CUBN: variants seen among roughly 807,000 people sequenced by gnomAD.
CUBN encodes cubilin, also known as 460 kDa receptor.
CUBN carries 282 observed loss-of-function variants against 405.3 expected under a neutral mutation model. The observed-to-expected ratio is 0.70, with a 90% CI of 0.63 to 0.77. The LOEUF (loss-of-function observed/expected upper bound fraction) is 0.77. Ranked by LOEUF, CUBN falls within the 30% of genes least tolerant of loss-of-function variation. The pLI is 0.00. For synonymous variants in CUBN, 1,684 were observed against 1,617.0 expected (o/e 1.04, Z -0.99); for missense variants, 4,514 against 4,475.2 (o/e 1.01, Z -0.25).
intron 56 of CUBN, among the ~76,000 whole-genome samples, chr10:16,877,614 C>T: frequency 6.6e-6 from 1 of 152,164 alleles, no homozygotes; most frequent in East Asian, 1.9e-4. Flanking sequence ...AGATAAGGGA[C>T]TCCTATCATG....
At chr10:16,961,730 G>A (rs1447441936) in intron 31 of CUBN, among the ~76,000 whole-genome samples, 2 of 52,106 alleles carry the variant, frequency 3.8e-5, no homozygotes, top group African/African-American at 1.6e-4. Flanking sequence ...TTTTTTTTTT[G>A]AGACGGAGTC....
intron 27 of CUBN, among the ~76,000 whole-genome samples, chr10:17,026,179 G>A (rs1356727568): frequency 1.3e-5 from 2 of 152,168 alleles, no homozygotes; most frequent in African/African-American, 4.8e-5. Context: ...ACCACAGCAG[G>A]ATCTGTGGAG....
At chr10:16,872,054 A>G (rs550438403) in intron 58 of CUBN, among the ~76,000 whole-genome samples, 145 of 151,814 alleles carry the variant, frequency 9.6e-4, no homozygotes, top group African/African-American at 3.4e-3. Context: ...GCAAAACTCC[A>G]TCTCTACTAA....
chr10:17,122,657 G>A (rs1193706403), intron 6 of CUBN, 138 bp downstream of exon 6: 4 of 687,832 alleles, frequency 5.8e-6, no homozygotes, highest in Non-Finnish European at 1.1e-5. Flanking sequence ...TAGACGTTAA[G>A]CAAGAGCTAA....
At chr10:16,925,160 G>T in intron 43 of CUBN, 81 bp downstream of exon 43, 2 of 1,160,924 alleles carry the variant, frequency 1.7e-6, no homozygotes, top group East Asian at 2.4e-5. Context: ...ATTACTGTTG[G>T]TTCAGAAAAG....
chr10:16,935,898 A>AG (rs1842489880), intron 39 of CUBN, among the ~76,000 whole-genome samples: 4 of 140,838 alleles, frequency 2.8e-5, no homozygotes, highest in Non-Finnish European at 6.2e-5. Context: ...AAAAAAAAAG[A>AG]AAAAAAAAAA....
chr10:16,864,661 T>C (rs1290180073), intron 59 of CUBN, among the ~76,000 whole-genome samples: 21 of 141,180 alleles, frequency 1.5e-4, no homozygotes, highest in Admixed American at 6.8e-4. Flanking sequence ...TTCTTTCTTT[T>C]TTTTTTTTTT....
chr10:16,851,245 T>C lies in CUBN; in HGVS notation c.9653A>G (p.Asp3218Gly). 2 of 1,611,824 alleles carry C rather than the reference T, an allele frequency of 1.2e-6. No homozygotes were observed. Among genetic ancestry groups the C allele is most frequent in the Non-Finnish European group, 1.7e-6 (2 of 1,178,004 alleles). The change falls in exon 60 of 67, where the codon GAT (aspartate) becomes GGT (glycine). Residue 3218 changes from aspartate to glycine, a missense_variant. Coordinates refer to ENST00000377833, the MANE Select transcript of CUBN (RefSeq NM_001081.4). ...ATAAAACAGCCTTACCTTTACATAA[T>C]CATAAAGGCATCTTTGCCTAGTACT... The part of the protein sequence containing the change: ...AASTRQRCLY[D>G]YVKLYDGDSE...
At chr10:16,991,341 CA>C (rs1488386081) in intron 28 of CUBN, among the ~76,000 whole-genome samples, 3 of 152,108 alleles carry the variant, frequency 2.0e-5, no homozygotes, top group Non-Finnish European at 4.4e-5. Flanking sequence ...TCAGTGCAAA[CA>C]GAGGTGGTGT....
At chr10:16,990,886 C>T (rs17345993) in intron 28 of CUBN, among the ~76,000 whole-genome samples, 46,011 of 151,888 alleles carry the variant, frequency 0.3, 7,330 homozygotes, top group Non-Finnish European at 0.34. Context: ...CCGTGTGAGC[C>T]GTGGTCGTGA....
intron 60 of CUBN, among the ~76,000 whole-genome samples, chr10:16,847,780 C>T (rs188223885): frequency 6.6e-5 from 10 of 152,272 alleles, no homozygotes; most frequent in Non-Finnish European, 1.2e-4. Context: ...CTTTCACAAA[C>T]GATCATGATA....
At chr10:17,061,037 G>A (rs11817937) in intron 22 of CUBN, among the ~76,000 whole-genome samples, 18,929 of 152,048 alleles carry the variant, frequency 0.12, 2,067 homozygotes, top group African/African-American at 0.28. Context: ...CAACAAGAGT[G>A]AAACTCCATC....
At chr10:16,875,041 G>A (rs1486581713) in intron 57 of CUBN, among the ~76,000 whole-genome samples, 2 of 152,020 alleles carry the variant, frequency 1.3e-5, no homozygotes, top group African/African-American at 4.8e-5. Flanking sequence ...GGGCTCAAAT[G>A]TATAGCTCTC....
At chr10:16,893,400 G>A (rs1841091516) in intron 54 of CUBN, among the ~76,000 whole-genome samples, 1 of 18,762 alleles carries the variant, frequency 5.3e-5, no homozygotes, top group African/African-American at 7.9e-5. Context: ...GAACTCGTGT[G>A]TGTGTGTGTG....
At position 17,028,959 on chromosome 10, in the gene CUBN, A is replaced by C. The variant is rs150474104; in HGVS notation, c.4018-8976T>G. Among the ~76,000 whole-genome samples the C allele has an allele frequency of 2.8e-3, 425 of 152,314 alleles. 2 individuals are homozygous for C. Among genetic ancestry groups the C allele is most frequent in the African/African-American group, 9.6e-3 (399 of 41,578 alleles). On this transcript the variant is annotated intron_variant, in intron 27 of 66. Transcript: ENST00000377833. Reference sequence around the variant, plus strand: ...CTTATTCATACCATGAGCCTGTCTGATAGTGGAAGAGACCTTTCGGTTGCC... The same window carrying C: ...CTTATTCATACCATGAGCCTGTCTGCTAGTGGAAGAGACCTTTCGGTTGCC...
chr10:17,006,624 G>A (rs1351402539), intron 28 of CUBN, among the ~76,000 whole-genome samples: 1 of 152,150 alleles, frequency 6.6e-6, no homozygotes, highest in Non-Finnish European at 1.5e-5. Flanking sequence ...GAGAAACACT[G>A]CCGACCTCAT....
chr10:16,912,632 A>G (rs1313437224), intron 48 of CUBN, among the ~76,000 whole-genome samples: 2 of 152,206 alleles, frequency 1.3e-5, no homozygotes, highest in African/African-American at 2.4e-5. Flanking sequence ...GCAGGCCGCC[A>G]TCTGGGGAGG....
At chr10:17,023,904 C>T (rs1222832502) in intron 27 of CUBN, among the ~76,000 whole-genome samples, 2 of 152,060 alleles carry the variant, frequency 1.3e-5, no homozygotes, top group Non-Finnish European at 1.5e-5. Context: ...TATTACAAAA[C>T]CTTCCTCTGT....
At chr10:16,873,675 T>C (rs1840421262) in intron 58 of CUBN, among the ~76,000 whole-genome samples, 1 of 150,610 alleles carries the variant, frequency 6.6e-6, no homozygotes, top group Non-Finnish European at 1.5e-5. Flanking sequence ...TGAGCCGAGA[T>C]TGTGCCACTA....
Sources: gnomAD v4.1 joint callset for allele counts (sites outside exome capture counted in the v4.1 genomes callset) on GRCh38, gnomAD v4.1.1 for gene constraint, MANE v1.5 for transcripts, NCBI Gene and HGNC (gene_info 2026-07-23, HGNC 2026-07-21) for gene names.